The following HESX1 variants were observed in gnomAD, a reference collection of about 807,000 sequenced individuals.
The protein encoded by HESX1 is homeobox expressed in ES cells 1.
HESX1 carries 11 observed loss-of-function variants against 22.5 expected under a neutral mutation model. The observed-to-expected ratio is 0.49, with a 90% confidence interval of 0.31 to 0.81. The LOEUF (loss-of-function observed/expected upper bound fraction) is 0.81, where lower values mean the gene tolerates loss of function less well. HESX1 is among the 30% of genes least tolerant of loss of function. HESX1 has a pLI of 0.05. For synonymous variants in HESX1, 74 were observed against 76.5 expected (o/e 0.97, Z 0.17); for missense variants, 201 against 212.6 (o/e 0.95, Z 0.34).
intron 1 of HESX1, among the ~76,000 whole-genome samples, chr3:57,216,141 C>T (rs2060581257): frequency 6.6e-6 from 1 of 152,168 alleles, no homozygotes; most frequent in African/African-American, 2.4e-5. Context: ...TCATTCATTG[C>T]CCCAAATAAC....
At chr3:57,212,429 C>T (rs557516329) in intron 1 of HESX1, among the ~76,000 whole-genome samples, 11 of 151,846 alleles carry the variant, frequency 7.2e-5, no homozygotes, top group Admixed American at 3.9e-4. Context: ...TGTGGTGGCA[C>T]GTGCCTGTAG....
chr3:57,209,514 G>A (rs1453895974), intron 1 of HESX1, among the ~76,000 whole-genome samples: 1 of 151,934 alleles, frequency 6.6e-6, no homozygotes, highest in Non-Finnish European at 1.5e-5. Context: ...GGTGGGGCTT[G>A]TAGTACCATC....
At position 57,199,844 on chromosome 3, in the gene HESX1, T is replaced by A. The variant is rs747890985; in HGVS notation, c.75A>T (p.Arg25Ser). Residue 25 changes from arginine to serine, a missense_variant, in exon 1 of 4, where the codon AGA becomes AGT. Coordinates refer to ENST00000295934, the MANE Select transcript of HESX1 (RefSeq NM_003865.3). ...KPSTCSFSIE[R>S]ILGLDQKKDC... ...CTTTCTTCTGGTCCAGTCCTAAGAT[T>A]CTCTCAATTGAAAAGGAGCAAGTTG... 2 of 1,613,912 alleles carry A rather than the reference T, an allele frequency of 1.2e-6. No individual in the cohort carries two copies. Among genetic ancestry groups the A allele is most frequent in the Non-Finnish European group, 8.5e-7 (1 of 1,179,970 alleles).
chr3:57,208,872 A>G (rs1378196747), intron 1 of HESX1, among the ~76,000 whole-genome samples: 1 of 151,834 alleles, frequency 6.6e-6, no homozygotes. Context: ...AAGGCATGAG[A>G]ATAGCTTGAA....
chr3:57,200,647 T>C (rs1357381080), upstream of HESX1, among the ~76,000 whole-genome samples: 2 of 152,228 alleles, frequency 1.3e-5, no homozygotes, highest in Non-Finnish European at 2.9e-5. Flanking sequence ...GGCTAATTCC[T>C]TTCCTTCCTC....
chr3:57,226,907 G>T (rs2060649763), upstream of HESX1, among the ~76,000 whole-genome samples: 1 of 152,220 alleles, frequency 6.6e-6, no homozygotes, highest in Non-Finnish European at 1.5e-5. Flanking sequence ...AGGAGGAAAG[G>T]ATAGGCTTGT....
chr3:57,199,159 T>C (rs1452963726), intron 1 of HESX1, among the ~76,000 whole-genome samples: 1 of 152,192 alleles, frequency 6.6e-6, no homozygotes, highest in Non-Finnish European at 1.5e-5. Flanking sequence ...TGTCGTTTAT[T>C]TTTCAGTGAA....
chr3:57,198,202 C>A lies in HESX1; in HGVS notation c.553G>T (p.Glu185Ter). The change falls in exon 4 of 4, where the codon GAA becomes TAA. Residue 185 changes from glutamate (E) to a stop codon, truncating the protein, a stop_gained. Coordinates refer to ENST00000295934, the MANE Select transcript of HESX1 (RefSeq NM_003865.3). LOFTEE classifies it high-confidence loss of function. ...TCACTTGTTTAGTTTTCTATCTATTCCAGCAGATTTGTGTTGAAATTTTTT... is the reference window on the plus strand; with the variant it reads ...TCACTTGTTTAGTTTTCTATCTATTACAGCAGATTTGTGTTGAAATTTTTT... ...AKKNFNTNLL[E>*] 6.3e-7 allele frequency: 1 copy of A among 1,587,592 alleles called. No homozygotes were observed. The highest frequency in any genetic ancestry group is 2.2e-5 in the East Asian group (1 of 44,604).
intron 1 of HESX1, among the ~76,000 whole-genome samples, chr3:57,205,485 G>A (rs1007975691): frequency 2.6e-5 from 4 of 152,104 alleles, no homozygotes; most frequent in Non-Finnish European, 5.9e-5. Context: ...TACATGACCT[G>A]CCAGCCTTCC....
In HESX1 at chr3:57,211,832, C is replaced by CA. The variant is rs111228627; in HGVS notation, c.-110-11805dup. 4.7e-3 allele frequency among the ~76,000 whole-genome samples: 636 copies of CA among 136,710 alleles called. 3 individuals carry two copies. The highest frequency in any genetic ancestry group is 0.011 in the African/African-American group (426 of 37,290). 89.7% of individuals were successfully genotyped at this position (136,710 alleles called of 152,430 possible). Reference sequence around the variant, plus strand: ...TGGACGACAGAGTGAGACGCCATCTCAAAAAAAAAAAAATCCAAGTTTAAA... The same window carrying CA: ...TGGACGACAGAGTGAGACGCCATCTCAAAAAAAAAAAAAATCCAAGTTTAAA... On this transcript the variant is annotated intron_variant, in intron 1 of 2. Coordinates refer to the HESX1 transcript ENST00000495160.
chr3:57,220,285 G>C (rs2060608437), intron 1 of HESX1, among the ~76,000 whole-genome samples: 1 of 152,086 alleles, frequency 6.6e-6, no homozygotes. Flanking sequence ...CTTTTTTAAA[G>C]CATTGTCTTA....
At chr3:57,220,797 G>A (rs916907709) in intron 1 of HESX1, among the ~76,000 whole-genome samples, 2 of 152,150 alleles carry the variant, frequency 1.3e-5, no homozygotes, top group African/African-American at 4.8e-5. Flanking sequence ...TCAAATTGCT[G>A]CCTTTATTAA....
rs115431802 is a variant in HESX1, at chr3:57,199,614, T to C, written c.157+148A>G. 3.6e-3 allele frequency: 1,419 copies of C among 396,806 alleles called. 13 individuals are homozygous for C. Among genetic ancestry groups the C allele is most frequent in the African/African-American group, 0.03 (1,337 of 44,924 alleles). 24.6% of individuals were successfully genotyped at this position (396,806 alleles called of 1,614,324 possible). On this transcript the variant is annotated intron_variant, in intron 1 of 3. Coordinates refer to ENST00000295934, the MANE Select transcript of HESX1 (RefSeq NM_003865.3). The stretch of plus-strand genomic sequence containing the variant: ...AGTCTTGGCAACAAGACCAACACTC[T>C]GTCTCAGAAAAAAAAAAAAAATAAT...
intron 1 of HESX1, among the ~76,000 whole-genome samples, chr3:57,209,629 T>G (rs1263340077): frequency 7.5e-6 from 1 of 133,952 alleles, no homozygotes; most frequent in Non-Finnish European, 1.5e-5. Flanking sequence ...AGAGCGAGAC[T>G]CCATCTCAGT....
chr3:57,226,886 G>T (rs921866039), upstream of HESX1, among the ~76,000 whole-genome samples: 3 of 152,234 alleles, frequency 2.0e-5, no homozygotes, highest in African/African-American at 7.2e-5. Context: ...GGTTGGGAAA[G>T]ATGAAGAGGG....
rs1184003139 is a variant in HESX1, at chr3:57,198,466, T to C, written c.384A>G (p.Arg128=). ...TATCGATACCAGGATAGCAGTTTAC[T>C]CTAAAGACATTTTCTAACACTTCAA... is the stretch of plus-strand genomic sequence containing the variant. The part of the protein sequence containing the change: ...NQIEVLENVF[R]VNCYPGIDIR... The change falls in exon 3 of 4, where the codon AGA becomes AGG. Residue 128 remains arginine, a synonymous_variant. Transcript: ENST00000295934. The C allele has an allele frequency of 3.7e-6, 6 of 1,600,176 alleles. No homozygotes were observed. The East Asian group carries it at 8.9e-5, about 24-fold the overall frequency.
intron 1 of HESX1, among the ~76,000 whole-genome samples, chr3:57,215,849 A>G (rs1015878385): frequency 5.3e-5 from 8 of 151,952 alleles, no homozygotes; most frequent in African/African-American, 1.9e-4. Context: ...TATCATGTTC[A>G]ACGGTCTATT....
upstream of HESX1, among the ~76,000 whole-genome samples, chr3:57,202,676 A>G (rs1367974342): frequency 1.3e-5 from 2 of 152,220 alleles, no homozygotes; most frequent in Non-Finnish European, 2.9e-5. Context: ...TATGTGCCAG[A>G]CATTATTATA....
At chr3:57,206,657 A>C (rs1224237280) in intron 1 of HESX1, among the ~76,000 whole-genome samples, 1 of 152,234 alleles carries the variant, frequency 6.6e-6, no homozygotes, top group African/African-American at 2.4e-5. Flanking sequence ...AAGGGCAAAT[A>C]ACTTTAGCAT....
Sources: allele counts gnomAD v4.1 joint callset (sites outside exome capture counted in the v4.1 genomes callset), GRCh38; gene constraint gnomAD v4.1.1; transcripts MANE v1.5; gene names NCBI Gene and HGNC (gene_info 2026-07-23, HGNC 2026-07-21).